RAPGEF6: variants seen among roughly 807,000 people sequenced by gnomAD.
RAPGEF6 encodes the protein PDZ domain containing guanine nucleotide exchange factor (GEF) 2.
RAPGEF6 carries 56 observed loss-of-function variants against 171.4 expected under a neutral mutation model. The ratio of observed to expected loss-of-function variants is 0.33; its 90% CI spans 0.26 to 0.41. The LOEUF (loss-of-function observed/expected upper bound fraction) is 0.41. Among genes scored for constraint, RAPGEF6 ranks in the 10% least tolerant of loss-of-function variants. The probability of loss-of-function intolerance (pLI) is 1.00; values close to 1 mark genes in which losing one functional copy is unlikely to be tolerated. For synonymous variants in RAPGEF6, 692 were observed against 650.1 expected (o/e 1.06, Z -0.98); for missense variants, 1,674 against 1,921.4 (o/e 0.87, Z 2.41).
chr5:131,479,777 CATTTT>C, intron 15 of RAPGEF6, 24 bp from the exon 16 acceptor site: 1 of 1,595,680 alleles, frequency 6.3e-7, no homozygotes, highest in Non-Finnish European at 8.5e-7. Context: ...ACAAATGCGT[CATTTT>C]ATTTCTTCTC....
chr5:131,462,012 G>C lies in RAPGEF6; in HGVS notation c.2557C>G (p.Gln853Glu). 1 of 1,613,542 alleles carries C rather than the reference G, an allele frequency of 6.2e-7. No individual in the cohort carries two copies. Among genetic ancestry groups the C allele is most frequent in the Non-Finnish European group, 8.5e-7 (1 of 1,179,720 alleles). ...GTACTGAGCTGCAGCATGGATAGCT[G>C]GCTTTCCTTAACTAGTTCTTGAGCA... is the stretch of plus-strand genomic sequence containing the variant. ...EDAQELVKES[Q>E]LSMLQLSTIE... Residue 853 changes from glutamine to glutamate, a missense_variant, in exon 19 of 28, where the codon CAG (glutamine) becomes GAG (glutamate). By Grantham distance (29) the Gln-to-Glu change is conservative. Around this residue, in one of 3 missense-constraint regions of RAPGEF6, gnomAD observed 1,116 missense variants for 1,321.5 expected, o/e 0.84. Transcript: ENST00000509018.
rs1206425669 is a variant in RAPGEF6, at chr5:131,549,124, A to G, written c.352-934T>C. 2.0e-5 allele frequency among the ~76,000 whole-genome samples: 3 copies of G among 152,194 alleles called. No individual in the cohort carries two copies. In the East Asian group the frequency reaches 5.8e-4, roughly 29 times the overall value. ...GAGGAATATAGACCTATCTAGCTCAACAGCTTATGCCACTGATACAAGACT... is the reference window on the plus strand; with the variant it reads ...GAGGAATATAGACCTATCTAGCTCAGCAGCTTATGCCACTGATACAAGACT... On this transcript the variant is annotated intron_variant, in intron 5 of 27. Coordinates refer to ENST00000509018, the MANE Select transcript of RAPGEF6 (RefSeq NM_016340.6).
chr5:131,527,483 A>G (rs147213264), intron 6 of RAPGEF6, among the ~76,000 whole-genome samples: 114 of 152,356 alleles, frequency 7.5e-4, no homozygotes, highest in South Asian at 6.4e-3. Flanking sequence ...GAACTGGTAT[A>G]AACATTTTGG....
chr5:131,524,550 G>C (rs150804480), intron 6 of RAPGEF6, among the ~76,000 whole-genome samples: 2 of 151,114 alleles, frequency 1.3e-5, no homozygotes, highest in Non-Finnish European at 3.0e-5. Context: ...ATAGCTTATA[G>C]ATGGGAGAGG....
At position 131,495,974 on chromosome 5, in the gene RAPGEF6, C is replaced by T. The variant is rs548803720; in HGVS notation, c.1420-314G>A. Among the ~76,000 whole-genome samples the T allele has an allele frequency of 3.9e-5, 6 of 152,300 alleles. No homozygotes were observed. In the East Asian group the frequency reaches 7.7e-4, roughly 20 times the overall value. ...TGCAAACTTCATGTCATAAAGCAGG[C>T]AATCCTATCAATCAAAAATCCATAC... On this transcript the variant is annotated intron_variant, in intron 12 of 27. Coordinates refer to ENST00000509018, the MANE Select transcript of RAPGEF6 (RefSeq NM_016340.6).
intron 4 of RAPGEF6, among the ~76,000 whole-genome samples, chr5:131,583,845 C>T (rs569245449): frequency 6.6e-6 from 1 of 152,130 alleles, no homozygotes; most frequent in East Asian, 1.9e-4. Context: ...TGAGAGAACA[C>T]TGCATTAAGA....
chr5:131,492,310 G>A (rs1220994712), intron 14 of RAPGEF6, among the ~76,000 whole-genome samples: 1 of 152,146 alleles, frequency 6.6e-6, no homozygotes, highest in African/African-American at 2.4e-5. Context: ...CCTAATCCAT[G>A]AAGGATAGGC....
At chr5:131,431,486 CAAT>C (rs1447031987) in intron 25 of RAPGEF6, 137 bp from the exon 26 acceptor site, 2 of 878,566 alleles carry the variant, frequency 2.3e-6, no homozygotes, top group African/African-American at 3.4e-5. Flanking sequence ...GTGAGGAAAA[CAAT>C]ATTATCATCA....
At chr5:131,477,017 ATC>A (rs1388263621) in intron 16 of RAPGEF6, among the ~76,000 whole-genome samples, 2 of 152,214 alleles carry the variant, frequency 1.3e-5, no homozygotes, top group Non-Finnish European at 1.5e-5. Context: ...AATATAGATC[ATC>A]TGAGTCATGT....
At chr5:131,614,521 C>T (rs1765152660) in intron 1 of RAPGEF6, among the ~76,000 whole-genome samples, 1 of 152,070 alleles carries the variant, frequency 6.6e-6, no homozygotes, top group Non-Finnish European at 1.5e-5. Context: ...TTTTAAACAA[C>T]TCAAGATCTC....
chr5:131,485,999 G>A (rs551478652), intron 15 of RAPGEF6, among the ~76,000 whole-genome samples: 1 of 152,060 alleles, frequency 6.6e-6, no homozygotes, highest in African/African-American at 2.4e-5. Context: ...ATCCTCTAAA[G>A]AACATATTTA....
chr5:131,527,893 T>C (rs1045522663), intron 6 of RAPGEF6, among the ~76,000 whole-genome samples: 1 of 150,914 alleles, frequency 6.6e-6, no homozygotes, highest in African/African-American at 2.4e-5. Context: ...CGGGTGCCTG[T>C]AGTCCCAGCT....
intron 1 of RAPGEF6, among the ~76,000 whole-genome samples, chr5:131,620,045 C>T (rs1049286925): frequency 6.6e-6 from 1 of 152,156 alleles, no homozygotes; most frequent in Non-Finnish European, 1.5e-5. Context: ...GTATGCAAGT[C>T]TTCAGTATTT....
chr5:131,443,218 C>T lies in RAPGEF6; in HGVS notation c.3422-681G>A, dbSNP rs139740152. On this transcript the variant is annotated intron_variant, in intron 22 of 27. Coordinates refer to ENST00000509018, the MANE Select transcript of RAPGEF6 (RefSeq NM_016340.6). ...TCAGCCTCCCAAAGTGCTGGGATTA[C>T]AGGCGTGAGCCACTGCGCCTGGCCT... Among the ~76,000 whole-genome samples, 484 of 152,276 alleles carry T rather than the reference C, an allele frequency of 3.2e-3. 3 individuals are homozygous for T. The highest frequency in any genetic ancestry group is 0.011 in the African/African-American group (461 of 41,554).
chr5:131,558,043 C>A (rs1035232085), intron 5 of RAPGEF6, among the ~76,000 whole-genome samples: 1 of 152,040 alleles, frequency 6.6e-6, no homozygotes, highest in Non-Finnish European at 1.5e-5. Flanking sequence ...TAAAGTTTTT[C>A]TATTTCCTAT....
intron 1 of RAPGEF6, among the ~76,000 whole-genome samples, chr5:131,605,604 CAA>C (rs556358106): frequency 9.2e-4 from 140 of 152,312 alleles, no homozygotes; most frequent in Middle Eastern, 3.4e-3. Context: ...AAACTACTTC[CAA>C]ACACTGCCTT....
At position 131,439,696 on chromosome 5, in the gene RAPGEF6, T is replaced by C; in HGVS notation, c.3630A>G (p.Lys1210=). Reference sequence around the variant, plus strand: ...TTATTTCTTCAGTTGTTCCTAAAACTTTCTGAGGTAAACTTGTATCTAAAA... The same window carrying C: ...TTATTTCTTCAGTTGTTCCTAAAACCTTCTGAGGTAAACTTGTATCTAAAA... ...DPALNTSLPQ[K]VLGTTEEISG... Residue 1210 remains lysine, a synonymous_variant, in exon 24 of 28, where the codon AAA becomes AAG. Transcript: ENST00000509018. 6.2e-7 allele frequency: 1 copy of C among 1,611,136 alleles called. No homozygotes were observed. The highest frequency in any genetic ancestry group is 8.5e-7 in the Non-Finnish European group (1 of 1,179,360).
intron 11 of RAPGEF6, among the ~76,000 whole-genome samples, chr5:131,500,549 T>G (rs914447461): frequency 6.6e-6 from 1 of 152,224 alleles, no homozygotes. Flanking sequence ...GACTAAAATC[T>G]ATCTTACCTC....
chr5:131,544,707 G>A (rs1480191512), intron 6 of RAPGEF6, among the ~76,000 whole-genome samples: 1 of 152,050 alleles, frequency 6.6e-6, no homozygotes, highest in South Asian at 2.1e-4. Flanking sequence ...TTTTGAGACG[G>A]AGTCTCACTC....
Sources: allele counts gnomAD v4.1 joint callset (sites outside exome capture counted in the v4.1 genomes callset), GRCh38; gene constraint gnomAD v4.1.1; regional missense constraint gnomAD v4.1.1; transcripts MANE v1.5; gene names NCBI Gene and HGNC (gene_info 2026-07-23, HGNC 2026-07-21).